The following WDFY4 variants were observed in gnomAD, a reference collection of about 807,000 sequenced individuals.
WDFY4 encodes the protein WD repeat- and FYVE domain-containing protein 4.
Under a neutral mutation model 351.9 loss-of-function variants are expected in WDFY4, and 169 were observed. The observed-to-expected ratio is 0.48, with a 90% confidence interval of 0.42 to 0.55. The LOEUF (loss-of-function observed/expected upper bound fraction) is 0.55, where lower values mean the gene tolerates loss of function less well. Among genes scored for constraint, WDFY4 ranks in the 20% least tolerant of loss-of-function variants. The pLI is 0.00. For missense variants in WDFY4, 3,803 were observed against 3,935.6 expected (o/e 0.97, Z 0.90); for synonymous variants, 1,622 against 1,574.6 (o/e 1.03, Z -0.71).
At chr10:48,901,918 C>A in intron 47 of WDFY4, 55 bp downstream of exon 47, 1 of 1,460,476 alleles carries the variant, frequency 6.8e-7, no homozygotes. Flanking sequence ...CTTTGATGTT[C>A]CTCCTCTGCC....
chr10:48,954,907 AAC>A lies in WDFY4; in HGVS notation c.7978-2220_7978-2219del, dbSNP rs571005655. Among the ~76,000 whole-genome samples the A allele has an allele frequency of 2.0e-3, 310 of 152,370 alleles. 5 individuals are homozygous for A. Among genetic ancestry groups the A allele is most frequent in the African/African-American group, 7.2e-3 (299 of 41,584 alleles). ...TGCATTAGACAGCTGTGAAAAAAAT[AAC>A]AGTTTTCTTTGTGGTAATATCTTTA... On this transcript the variant is annotated intron_variant, in intron 51 of 61. Coordinates refer to ENST00000325239, the MANE Select transcript of WDFY4 (RefSeq NM_001394531.1).
chr10:48,805,633 G>T (rs1027027042), intron 26 of WDFY4, among the ~76,000 whole-genome samples: 1 of 152,198 alleles, frequency 6.6e-6, no homozygotes, highest in Non-Finnish European at 1.5e-5. Context: ...TGTGTTTACT[G>T]TTCCCACTGC....
At chr10:48,842,901 C>A (rs1285045070) in intron 39 of WDFY4, among the ~76,000 whole-genome samples, 1 of 152,082 alleles carries the variant, frequency 6.6e-6, no homozygotes, top group Non-Finnish European at 1.5e-5. Flanking sequence ...TGAGAGTGAC[C>A]CAAATGCCAT....
chr10:48,817,238 G>A lies in WDFY4; in HGVS notation c.5341-7G>A, dbSNP rs1471085295. On this transcript the variant is annotated splice_polypyrimidine_tract_variant and splice_region_variant and intron_variant, in intron 31 of 61. Transcript: ENST00000325239. ...CCCTGCACTACCTCTCACCAAGTGT[G>A]CCTCAGCCCCTGGCAGGTTCTGAGG... 2 of 1,551,232 alleles carry A rather than the reference G, an allele frequency of 1.3e-6. No homozygotes were observed. Among genetic ancestry groups the A allele is most frequent in the African/African-American group, 1.4e-5 (1 of 73,074 alleles).
At chr10:48,982,026 C>T (rs772176294) in intron 61 of WDFY4, among the ~76,000 whole-genome samples, 2 of 152,212 alleles carry the variant, frequency 1.3e-5, no homozygotes, top group East Asian at 1.9e-4. Context: ...CAGAGCCGGA[C>T]TTCCTTCCTC....
intron 54 of WDFY4, 132 bp from the exon 55 acceptor site, chr10:48,966,394 A>C: frequency 6.2e-6 from 6 of 974,352 alleles, no homozygotes; most frequent in African/African-American, 1.7e-5. Context: ...GGTTCTGTTC[A>C]TGTTCAGCTC....
intron 58 of WDFY4, among the ~76,000 whole-genome samples, chr10:48,975,978 A>G (rs998107327): frequency 6.6e-6 from 1 of 152,206 alleles, no homozygotes; most frequent in Non-Finnish European, 1.5e-5. Flanking sequence ...CCCATCAGGA[A>G]TTGTGTCCCT....
intron 19 of WDFY4, among the ~76,000 whole-genome samples, chr10:48,784,850 C>CTTTTT (rs1255134626): frequency 1.2e-5 from 1 of 80,662 alleles, no homozygotes; most frequent in Non-Finnish European, 2.4e-5. Flanking sequence ...GCATCGTTTA[C>CTTTTT]TTTTTTTTTT....
rs1160794028 is a variant in WDFY4, at chr10:48,723,525, GCTT to G, written c.553_555del (p.Leu185del). 7.7e-6 allele frequency: 12 copies of G among 1,551,764 alleles called. No individual in the cohort carries two copies. In the African/African-American group the frequency reaches 1.5e-4, roughly 19 times the overall value. ...TTGTCTTTCCTCTGGACAAAGATGA[GCTT>G]CTTGAGAGTGATCTTCAAGTTCAAA... On this transcript the variant is annotated inframe_deletion, in exon 5 of 62. Transcript: ENST00000325239.
intron 53 of WDFY4, among the ~76,000 whole-genome samples, chr10:48,962,404 G>A (rs1184476501): frequency 6.6e-6 from 1 of 152,188 alleles, no homozygotes; most frequent in Non-Finnish European, 1.5e-5. Context: ...AACAAGGGGA[G>A]CCCAGACAAT....
intron 43 of WDFY4, among the ~76,000 whole-genome samples, chr10:48,881,178 G>T (rs561387597): frequency 6.6e-6 from 1 of 152,220 alleles, no homozygotes; most frequent in African/African-American, 2.4e-5. Context: ...GGCTGTTGCT[G>T]TTCCTTTCAT....
chr10:48,782,759 C>G (rs1047356661), intron 19 of WDFY4, among the ~76,000 whole-genome samples: 3 of 152,120 alleles, frequency 2.0e-5, no homozygotes, highest in Admixed American at 2.0e-4. Flanking sequence ...GTTTTTATTG[C>G]CAAAGGAAAC....
Position 48,717,959 on chromosome 10 carries a change from T to G in WDFY4, c.235-2052T>G, listed in dbSNP as rs533776033. ...AGAGTGTGTGCCCCTGTAACTTTAT[T>G]GGATCAGGTTAAACCCTTCTTCAAA... On this transcript the variant is annotated intron_variant, in intron 2 of 61. Coordinates refer to ENST00000325239, the MANE Select transcript of WDFY4 (RefSeq NM_001394531.1). 4.6e-5 allele frequency among the ~76,000 whole-genome samples: 7 copies of G among 152,310 alleles called. No homozygotes were observed. The South Asian group carries it at 1.5e-3, about 32-fold the overall frequency.
intron 47 of WDFY4, among the ~76,000 whole-genome samples, chr10:48,933,616 A>C (rs1349094051): frequency 2.0e-5 from 3 of 152,148 alleles, no homozygotes; most frequent in African/African-American, 4.8e-5. Context: ...TCCCTGAAAA[A>C]GAAGCATGCA....
Position 48,966,665 on chromosome 10 carries a change from C to T in WDFY4, c.8576C>T (p.Thr2859Met), listed in dbSNP as rs747717679. ...SLQSLRPSQV[T>M]VKDMYLFSLG... Reference sequence around the variant, plus strand: ...CAGTCGCTGAGGCCCTCCCAGGTCACGGTCAAAGGTGATTCCCTGGCCATG... The same window carrying T: ...CAGTCGCTGAGGCCCTCCCAGGTCATGGTCAAAGGTGATTCCCTGGCCATG... The change falls in exon 55 of 62, where the codon ACG (threonine) becomes ATG (methionine). Residue 2859 changes from threonine (T) to methionine (M), a missense_variant. This residue lies in a region of WDFY4 where 3,054 missense variants were observed against 3,148.6 expected (regional missense o/e 0.97). Coordinates refer to ENST00000325239, the MANE Select transcript of WDFY4 (RefSeq NM_001394531.1). The T allele has an allele frequency of 1.9e-5, 29 of 1,551,272 alleles. No homozygotes were observed. Among genetic ancestry groups the T allele is most frequent in the Non-Finnish European group, 2.3e-5 (26 of 1,146,846 alleles).
intron 59 of WDFY4, 85 bp downstream of exon 59, chr10:48,977,064 C>T (rs1842599651): frequency 1.5e-6 from 2 of 1,290,400 alleles, no homozygotes; most frequent in Non-Finnish European, 2.0e-6. Context: ...GGGGCCAAAC[C>T]TGCAGGTTGC....
chr10:48,819,448 T>A (rs1001477847), intron 32 of WDFY4, among the ~76,000 whole-genome samples: 1 of 152,162 alleles, frequency 6.6e-6, no homozygotes, highest in African/African-American at 2.4e-5. Context: ...ATGGCTTAAT[T>A]AAGAACGGCC....
At chr10:48,946,481 A>G (rs1841048684) in intron 50 of WDFY4, among the ~76,000 whole-genome samples, 1 of 152,276 alleles carries the variant, frequency 6.6e-6, no homozygotes, top group African/African-American at 2.4e-5. Context: ...ACTAACATTT[A>G]TTCAGCACTT....
chr10:48,775,664 G>A, intron 14 of WDFY4, 48 bp from the exon 15 acceptor site: 1 of 1,511,430 alleles, frequency 6.6e-7, no homozygotes. Flanking sequence ...GGAGAACACT[G>A]TTGCTAGTAA....
Sources: gnomAD v4.1 joint callset for allele counts (sites outside exome capture counted in the v4.1 genomes callset) on GRCh38, gnomAD v4.1.1 for gene constraint, gnomAD v4.1.1 regional missense constraint, MANE v1.5 for transcripts, NCBI Gene and HGNC (gene_info 2026-07-23, HGNC 2026-07-21) for gene names.